TIPIN: variants seen among roughly 807,000 people sequenced by gnomAD.
The protein encoded by TIPIN is TIMELESS-interacting protein.
Under a neutral mutation model 35.6 loss-of-function variants are expected in TIPIN, and 29 were observed. The observed-to-expected ratio is 0.82, with a 90% CI of 0.61 to 1.11. TIPIN has a LOEUF of 1.11. Ranked by LOEUF, TIPIN falls within the 50% of genes most tolerant of loss-of-function variation. The pLI, the probability that TIPIN is intolerant of heterozygous loss-of-function variation, is 0.00. For missense variants in TIPIN, 296 were observed against 345.4 expected, an observed-to-expected ratio of 0.86 and a Z score of 1.13; for synonymous variants, 102 against 121.5, an observed-to-expected ratio of 0.84 and a Z score of 1.06.
chr15:66,364,621 A>G (rs2093246065), intron 1 of TIPIN, among the ~76,000 whole-genome samples: 1 of 152,146 alleles, frequency 6.6e-6, no homozygotes, highest in South Asian at 2.1e-4. Context: ...CCGAATGAAG[A>G]CTCAAAAATA....
intron 1 of TIPIN, among the ~76,000 whole-genome samples, chr15:66,366,014 A>G (rs2093252399): frequency 6.6e-6 from 1 of 152,010 alleles, no homozygotes; most frequent in Non-Finnish European, 1.5e-5. Flanking sequence ...AAGGGACAAT[A>G]TTGGAGAATC....
At chr15:66,360,675 C>A (rs933506957), upstream of TIPIN, among the ~76,000 whole-genome samples, 3 of 151,950 alleles carry the variant, frequency 2.0e-5, no homozygotes, top group Non-Finnish European at 2.9e-5. Context: ...ACTGAAAAAA[C>A]AAAAATTAGG....
At chr15:66,381,591 C>T (rs1012617247) in intron 1 of TIPIN, among the ~76,000 whole-genome samples, 4 of 152,100 alleles carry the variant, frequency 2.6e-5, no homozygotes, top group Non-Finnish European at 1.5e-5. Flanking sequence ...GTAATCATTT[C>T]TCTTCTGTTG....
At position 66,336,748 on chromosome 15, in the gene TIPIN, A is replaced by T. The variant is rs535523796; in HGVS notation, c.*210T>A. 2.0e-6 allele frequency: 1 copy of T among 507,852 alleles called. No homozygotes were observed. Among genetic ancestry groups the T allele is most frequent in the South Asian group, 2.6e-5 (1 of 38,334 alleles). 31.5% of individuals were successfully genotyped at this position (507,852 alleles called of 1,614,324 possible). A position where few individuals can be genotyped will look rare whatever the true frequency, so the allele number is the denominator to read the frequency against. On this transcript the variant is annotated 3_prime_UTR_variant, in exon 8 of 8. Coordinates refer to ENST00000261881, the MANE Select transcript of TIPIN (RefSeq NM_017858.3). ...CCTCCTAATCATTTTATGAAGAAAT[A>T]CCTATATAAAAACAAACACTAAAGA...
chr15:66,382,946 G>T, intron 1 of TIPIN: 1 of 985,384 alleles, frequency 1.0e-6, no homozygotes, highest in Non-Finnish European at 1.2e-6. Context: ...CTGCCGGTCT[G>T]AAAAGGAAAT....
chr15:66,369,806 T>A (rs2093271425), intron 1 of TIPIN, among the ~76,000 whole-genome samples: 1 of 152,208 alleles, frequency 6.6e-6, no homozygotes, highest in Non-Finnish European at 1.5e-5. Context: ...TTATAATGGC[T>A]CTGCTGTATA....
intron 1 of TIPIN, among the ~76,000 whole-genome samples, chr15:66,372,912 A>G (rs1178590910): frequency 6.6e-6 from 1 of 152,110 alleles, no homozygotes; most frequent in Non-Finnish European, 1.5e-5. Flanking sequence ...TGGGGAAAAA[A>G]AAAAAAGATT....
intron 1 of TIPIN, among the ~76,000 whole-genome samples, chr15:66,376,631 T>G (rs1018606653): frequency 2.6e-5 from 4 of 151,606 alleles, no homozygotes; most frequent in African/African-American, 9.7e-5. Context: ...GGTTTCATCA[T>G]GTTGGCCAGG....
Position 66,341,205 on chromosome 15 carries a change from C to T in TIPIN, c.627G>A (p.Leu209=). The T allele has an allele frequency of 6.2e-7, 1 of 1,612,710 alleles. No individual in the cohort carries two copies. The highest frequency in any genetic ancestry group is 1.3e-5 in the African/African-American group (1 of 74,990). Residue 209 remains leucine (L), a synonymous_variant, in exon 7 of 8, where the codon CTG becomes CTA. Coordinates refer to ENST00000261881, the MANE Select transcript of TIPIN (RefSeq NM_017858.3). ...GCTTTGCCTGCCTTCTTTCCAAGGC[C>T]AGTTGTTTATTTCTCTCAATTCTTT... ...QQQRIERNKQ[L]ALERRQAKLL... is the part of the protein sequence containing the mutation.
intron 1 of TIPIN, among the ~76,000 whole-genome samples, chr15:66,361,748 C>T (rs543457404): frequency 1.3e-5 from 2 of 152,148 alleles, no homozygotes; most frequent in African/African-American, 4.8e-5. Context: ...TGGCTCATGC[C>T]TGTAACCCCA....
At chr15:66,346,520 T>C (rs939274950) in intron 6 of TIPIN, among the ~76,000 whole-genome samples, 1 of 152,152 alleles carries the variant, frequency 6.6e-6, no homozygotes, top group Non-Finnish European at 1.5e-5. Flanking sequence ...CCCTGCGACC[T>C]ACTCATACCT....
In TIPIN at chr15:66,336,882, CAAG is replaced by C. The variant is rs2093048013; in HGVS notation, c.*73_*75del. ...TTTTACTATCTAAGGATTTTCACTC[CAAG>C]AAGAAAAAATACATAGTAACGCCAA... On this transcript the variant is annotated 3_prime_UTR_variant, in exon 8 of 8. Coordinates refer to ENST00000261881, the MANE Select transcript of TIPIN (RefSeq NM_017858.3). 2.3e-6 allele frequency: 3 copies of C among 1,313,012 alleles called. No individual in the cohort carries two copies. The highest frequency in any genetic ancestry group is 4.0e-5 in the Admixed American group (2 of 50,172). 81.3% of individuals were successfully genotyped at this position (1,313,012 alleles called of 1,614,324 possible).
chr15:66,356,819 G>A, upstream of TIPIN: 1 of 762,088 alleles, frequency 1.3e-6, no homozygotes, highest in Non-Finnish European at 1.6e-6. Context: ...CGCCGGTCCC[G>A]CCTTCGGTCC....
chr15:66,379,350 T>C, intron 1 of TIPIN: 2 of 1,595,518 alleles, frequency 1.3e-6, no homozygotes, highest in Non-Finnish European at 8.5e-7. Flanking sequence ...TTCATCATCC[T>C]GCTGAACAGT....
chr15:66,372,346 CTTCT>C (rs1025139283), intron 1 of TIPIN, among the ~76,000 whole-genome samples: 2 of 152,210 alleles, frequency 1.3e-5, no homozygotes, highest in Non-Finnish European at 2.9e-5. Flanking sequence ...TTGTGTCTAG[CTTCT>C]ACTCAACAGG....
chr15:66,370,802 C>T (rs1022656232), intron 1 of TIPIN, among the ~76,000 whole-genome samples: 4 of 152,084 alleles, frequency 2.6e-5, no homozygotes, highest in Non-Finnish European at 5.9e-5. Context: ...AATAAAAGAT[C>T]TTAATTTGTA....
intron 1 of TIPIN, among the ~76,000 whole-genome samples, chr15:66,353,498 C>G (rs1256120190): frequency 6.6e-6 from 1 of 151,474 alleles, no homozygotes; most frequent in Non-Finnish European, 1.5e-5. Context: ...CGCTTGTAGT[C>G]CCATCCACTC....
chr15:66,354,018 G>A (rs1406885068), intron 1 of TIPIN, among the ~76,000 whole-genome samples: 1 of 152,124 alleles, frequency 6.6e-6, no homozygotes, highest in African/African-American at 2.4e-5. Context: ...AGCTACTCAG[G>A]AGGCTGAGGC....
At chr15:66,350,997 A>C (rs900124601) in intron 4 of TIPIN, among the ~76,000 whole-genome samples, 1 of 151,834 alleles carries the variant, frequency 6.6e-6, no homozygotes, top group Non-Finnish European at 1.5e-5. Context: ...GAAAAACTAC[A>C]AAACTCTCTA....
Sources: allele counts gnomAD v4.1 joint callset (sites outside exome capture counted in the v4.1 genomes callset), GRCh38; gene constraint gnomAD v4.1.1; transcripts MANE v1.5; gene names NCBI Gene and HGNC (gene_info 2026-07-23, HGNC 2026-07-21).